The following NME7 variants were observed in gnomAD, a reference collection of about 807,000 sequenced individuals.
The protein encoded by NME7 is NME/NM23 family member 7.
In NME7, 41 loss-of-function variants were observed where a neutral mutation model predicts 49.1. The ratio of observed to expected loss-of-function variants is 0.83; its 90% CI spans 0.65 to 1.08. The LOEUF (loss-of-function observed/expected upper bound fraction) is 1.08, where lower values mean the gene tolerates loss of function less well. Among genes scored for constraint, NME7 ranks in the 50% least tolerant of loss-of-function variants. NME7 has a pLI of 0.00. For synonymous variants in NME7, 139 were observed against 150.6 expected (o/e 0.92, Z 0.56); for missense variants, 423 against 463.4 (o/e 0.91, Z 0.80).
chr1:169,196,092 C>A (rs547712062), intron 10 of NME7, among the ~76,000 whole-genome samples: 1 of 152,070 alleles, frequency 6.6e-6, no homozygotes, highest in African/African-American at 2.4e-5. Context: ...TGGATTTCTG[C>A]GAATAAATTG....
At chr1:169,235,920 G>T (rs1234753755) in intron 8 of NME7, among the ~76,000 whole-genome samples, 1 of 150,728 alleles carries the variant, frequency 6.6e-6, no homozygotes, top group Non-Finnish European at 1.5e-5. Flanking sequence ...AAATTCTAAG[G>T]TTCTCAAAAA....
intron 7 of NME7, chr1:169,283,742 A>G (rs1279504558): frequency 6.6e-6 from 1 of 152,174 alleles, no homozygotes; most frequent in Non-Finnish European, 1.5e-5. Context: ...TGGGTTGAAA[A>G]TTCTTTTCTT....
At chr1:169,332,784 C>A (rs750094188) in intron 1 of NME7, among the ~76,000 whole-genome samples, 11 of 152,088 alleles carry the variant, frequency 7.2e-5, no homozygotes, top group Admixed American at 2.0e-4. Context: ...CATCTTATCC[C>A]AGTTAAAATG....
At position 169,283,437 on chromosome 1, in the gene NME7, T is replaced by C. The variant is rs564360699; in HGVS notation, c.754+3866A>G. 3.3e-5 allele frequency among the ~76,000 whole-genome samples: 5 copies of C among 152,218 alleles called. 1 individual carries two copies. The highest frequency in any genetic ancestry group is 1.2e-4 in the African/African-American group (5 of 41,562). On this transcript the variant is annotated intron_variant, in intron 7 of 11. Transcript: ENST00000367811. ...ATGTCTTTTAACTGGGGCATTTAGCTTGTTTACATTTAAGGTTAATACTGT... is the reference window on the plus strand; with the variant it reads ...ATGTCTTTTAACTGGGGCATTTAGCCTGTTTACATTTAAGGTTAATACTGT...
chr1:169,292,928 A>G (rs1650565355), intron 6 of NME7, among the ~76,000 whole-genome samples: 1 of 152,126 alleles, frequency 6.6e-6, no homozygotes, highest in Non-Finnish European at 1.5e-5. Context: ...TAAACAGGGC[A>G]GAAGAAAGAA....
chr1:169,278,021 C>G (rs1384380675), intron 7 of NME7, among the ~76,000 whole-genome samples: 2 of 151,646 alleles, frequency 1.3e-5, no homozygotes, highest in Non-Finnish European at 2.9e-5. Context: ...GGCCCCCACT[C>G]TCTTCTGACT....
At chr1:169,178,472 C>T (rs1326290155) in intron 10 of NME7, among the ~76,000 whole-genome samples, 1 of 152,106 alleles carries the variant, frequency 6.6e-6, no homozygotes, top group African/African-American at 2.4e-5. Flanking sequence ...GAGGCAGCAG[C>T]AACTTCAGGA....
intron 11 of NME7, among the ~76,000 whole-genome samples, chr1:169,141,237 G>A (rs760230235): frequency 1.4e-4 from 21 of 152,144 alleles, no homozygotes; most frequent in Non-Finnish European, 2.4e-4. Flanking sequence ...CATTATATGT[G>A]ATCTGGGGAA....
At position 169,266,572 on chromosome 1, in the gene NME7, T is replaced by C. The variant is rs1231821482; in HGVS notation, c.754+20731A>G. Among the ~76,000 whole-genome samples, 5 of 133,464 alleles carry C rather than the reference T, an allele frequency of 3.7e-5. 2 individuals are homozygous for C. The highest frequency in any genetic ancestry group is 1.3e-4 in the African/African-American group (5 of 39,420). The allele number at this position is 133,464 out of a possible 152,430, so 87.6% of individuals were successfully genotyped here. On this transcript the variant is annotated intron_variant, in intron 7 of 11. Coordinates refer to ENST00000367811, the MANE Select transcript of NME7 (RefSeq NM_013330.5). ...GGATGCCCTCTATCACCAAATCTAT[T>C]GAACATAGTATTCGAAGTCCTGGCC...
chr1:169,326,852 A>G (rs1482228848), intron 1 of NME7, among the ~76,000 whole-genome samples: 1 of 152,110 alleles, frequency 6.6e-6, no homozygotes, highest in Non-Finnish European at 1.5e-5. Flanking sequence ...ACATACACAC[A>G]CCATCCAGAC....
intron 7 of NME7, among the ~76,000 whole-genome samples, chr1:169,249,438 T>C (rs921861438): frequency 2.0e-5 from 3 of 152,080 alleles, no homozygotes; most frequent in Admixed American, 1.3e-4. Context: ...CAGCAATAGC[T>C]TGATGTCCTC....
intron 10 of NME7, among the ~76,000 whole-genome samples, chr1:169,226,999 C>T (rs947131842): frequency 6.6e-6 from 1 of 152,114 alleles, no homozygotes; most frequent in African/African-American, 2.4e-5. Context: ...CATGAGGTTA[C>T]GAGGTCCTTA....
chr1:169,330,662 A>G (rs1652220847), intron 1 of NME7, among the ~76,000 whole-genome samples: 1 of 152,142 alleles, frequency 6.6e-6, no homozygotes, highest in Non-Finnish European at 1.5e-5. Flanking sequence ...CTGGTGACAG[A>G]GCAAGACTCT....
chr1:169,244,276 A>C (rs1648213352), intron 7 of NME7, among the ~76,000 whole-genome samples: 1 of 152,188 alleles, frequency 6.6e-6, no homozygotes, highest in Admixed American at 6.5e-5. Context: ...GGAGGAAAAA[A>C]AGATCACTTT....
rs544052155 is a variant in NME7, at chr1:169,201,082, T to C, written c.990+29636A>G. Among the ~76,000 whole-genome samples, 11 of 152,074 alleles carry C rather than the reference T, an allele frequency of 7.2e-5. 1 individual carries two copies. In the South Asian group the frequency reaches 2.3e-3, roughly 32 times the overall value. ...CCTATCGCTACAAAAATTTAAAACATGGGCCAGGTGTGGCGGCACGCACTT... is the reference window on the plus strand; with the variant it reads ...CCTATCGCTACAAAAATTTAAAACACGGGCCAGGTGTGGCGGCACGCACTT... On this transcript the variant is annotated intron_variant, in intron 10 of 11. Transcript: ENST00000367811.
At chr1:169,172,551 A>C (rs1054397615) in intron 10 of NME7, among the ~76,000 whole-genome samples, 2 of 152,054 alleles carry the variant, frequency 1.3e-5, no homozygotes, top group Non-Finnish European at 2.9e-5. Context: ...CAACACAACA[A>C]ACCATCTTTA....
chr1:169,240,759 A>G (rs1339666657), intron 7 of NME7, among the ~76,000 whole-genome samples: 2 of 152,072 alleles, frequency 1.3e-5, no homozygotes, highest in East Asian at 3.8e-4. Flanking sequence ...TAATATCATC[A>G]CCAATTTCAT....
At chr1:169,217,795 C>T (rs150537477) in intron 10 of NME7, among the ~76,000 whole-genome samples, 1 of 152,144 alleles carries the variant, frequency 6.6e-6, no homozygotes, top group Non-Finnish European at 1.5e-5. Context: ...CATGGTGTAG[C>T]CTTTTTGTGC....
At chr1:169,356,892 GTGAA>G (rs1653485434) in intron 1 of NME7, among the ~76,000 whole-genome samples, 1 of 152,174 alleles carries the variant, frequency 6.6e-6, no homozygotes, top group African/African-American at 2.4e-5. Flanking sequence ...CTGAAGCTCA[GTGAA>G]TGAAAAATTG....
Sources: allele counts gnomAD v4.1 joint callset (sites outside exome capture counted in the v4.1 genomes callset), GRCh38; gene constraint gnomAD v4.1.1; transcripts MANE v1.5; gene names NCBI Gene and HGNC (gene_info 2026-07-23, HGNC 2026-07-21).